CHN2: variants seen among roughly 807,000 people sequenced by gnomAD.
CHN2 encodes the protein beta-chimaerin.
In CHN2, 35 loss-of-function variants were observed where a neutral mutation model predicts 56.3. The ratio of observed to expected loss-of-function variants is 0.62; its 90% CI spans 0.47 to 0.82. The LOEUF (loss-of-function observed/expected upper bound fraction) is 0.82. CHN2 is among the 40% of genes least tolerant of loss of function. The probability of loss-of-function intolerance (pLI) is 0.00; values close to 1 mark genes in which losing one functional copy is unlikely to be tolerated. For missense variants in CHN2, 491 were observed against 580.5 expected, an observed-to-expected ratio of 0.85 and a Z score of 1.58; for synonymous variants, 210 against 212.8, an observed-to-expected ratio of 0.99 and a Z score of 0.12.
chr7:29,193,465 C>G (rs1202020056), upstream of CHN2: 5 of 152,160 alleles, frequency 3.3e-5, no homozygotes, highest in Non-Finnish European at 7.3e-5. Flanking sequence ...CCAATGTGAA[C>G]ACTTTCCATT....
intron 2 of CHN2, among the ~76,000 whole-genome samples, chr7:29,165,444 T>C (rs1795786821): frequency 6.6e-6 from 1 of 152,218 alleles, no homozygotes; most frequent in Non-Finnish European, 1.5e-5. Context: ...CTTAGATTTT[T>C]TTTAAATCAC....
chr7:29,349,256 T>C (rs1034400513), intron 1 of CHN2, among the ~76,000 whole-genome samples: 25 of 152,312 alleles, frequency 1.6e-4, no homozygotes, highest in African/African-American at 6.0e-4. Flanking sequence ...TACACATGGC[T>C]TTCATGAAGT....
chr7:29,418,426 T>C lies in CHN2; in HGVS notation c.576+17598T>C, dbSNP rs150525697. Among the ~76,000 whole-genome samples the C allele has an allele frequency of 1.4e-4, 21 of 152,362 alleles. No individual in the cohort carries two copies. The East Asian group carries it at 3.9e-3, about 28-fold the overall frequency. The stretch of plus-strand genomic sequence containing the variant: ...TGAGATCCAGAAATTACTATTTGAC[T>C]GGGGAGTGGTAGGTGCCTTTATTGG... On this transcript the variant is annotated intron_variant, in intron 6 of 12. Coordinates refer to ENST00000222792, the MANE Select transcript of CHN2 (RefSeq NM_004067.4).
At chr7:29,300,932 A>G (rs189653319) in intron 1 of CHN2, among the ~76,000 whole-genome samples, 1 of 152,364 alleles carries the variant, frequency 6.6e-6, no homozygotes, top group East Asian at 1.9e-4. Context: ...AAATGTGTTT[A>G]TTCTTATATG....
intron 1 of CHN2, chr7:29,199,755 A>G (rs1419165778): frequency 2.0e-5 from 3 of 152,204 alleles, no homozygotes; most frequent in African/African-American, 7.2e-5. Context: ...TTAGCATGCT[A>G]CATATTTGCA....
chr7:29,434,296 A>G (rs1014292192), intron 6 of CHN2, among the ~76,000 whole-genome samples: 1 of 152,164 alleles, frequency 6.6e-6, no homozygotes, highest in Non-Finnish European at 1.5e-5. Flanking sequence ...GTTCTCTGCC[A>G]TGAGAAATGT....
At chr7:29,244,151 G>T (rs1344265779) in intron 1 of CHN2, among the ~76,000 whole-genome samples, 18 of 152,124 alleles carry the variant, frequency 1.2e-4, no homozygotes, top group Non-Finnish European at 2.4e-4. Context: ...ATTATCTTAA[G>T]TGATGTGTTT....
intron 1 of CHN2, among the ~76,000 whole-genome samples, chr7:29,276,747 T>C (rs1791251495): frequency 6.6e-6 from 1 of 152,210 alleles, no homozygotes; most frequent in African/African-American, 2.4e-5. Flanking sequence ...GCGCTGGCCC[T>C]AAAATTGTGG....
chr7:29,254,202 C>T (rs998436065), intron 1 of CHN2, among the ~76,000 whole-genome samples: 4 of 152,154 alleles, frequency 2.6e-5, no homozygotes, highest in East Asian at 1.9e-4. Context: ...CACACCCAGC[C>T]GCTATTCTTT....
intron 9 of CHN2, among the ~76,000 whole-genome samples, chr7:29,500,554 A>G (rs1448694825): frequency 6.6e-6 from 1 of 152,176 alleles, no homozygotes; most frequent in Non-Finnish European, 1.5e-5. Flanking sequence ...TTCATACTTT[A>G]GAGTGGGCAA....
At chr7:29,192,475 G>A (rs1783014753), upstream of CHN2, 1 of 152,180 alleles carries the variant, frequency 6.6e-6, no homozygotes, top group South Asian at 2.1e-4. Flanking sequence ...TGCACAATTT[G>A]GGACAAGAAA....
intron 2 of CHN2, among the ~76,000 whole-genome samples, chr7:29,172,009 A>C (rs894214719): frequency 6.6e-6 from 1 of 152,208 alleles, no homozygotes; most frequent in African/African-American, 2.4e-5. Context: ...GGTGGTACAC[A>C]GGAGAAAAAA....
Position 29,509,318 on chromosome 7 carries a change from G to T in CHN2, c.1147G>T (p.Glu383Ter). 1.2e-6 allele frequency: 2 copies of T among 1,613,876 alleles called. No individual in the cohort carries two copies. Among genetic ancestry groups the T allele is most frequent in the South Asian group, 2.2e-5 (2 of 91,042 alleles). ...CTTCACAGAAATCTCCAATGCAGAT[G>T]AGAGGCTGGAAGCCGTCCATGAAGT... is the stretch of plus-strand genomic sequence containing the variant. ...IDAAKISNAD[E>*]RLEAVHEVLM... Residue 383 changes from glutamate to a stop codon, truncating the protein, a stop_gained, in exon 12 of 13, where the codon GAG becomes TAG. Transcript: ENST00000222792. LOFTEE classifies it high-confidence loss of function.
chr7:29,225,872 T>G (rs1046126424), intron 1 of CHN2, among the ~76,000 whole-genome samples: 1 of 152,178 alleles, frequency 6.6e-6, no homozygotes, highest in East Asian at 1.9e-4. Context: ...TTCTGAGACA[T>G]GTCCTACAAG....
intron 6 of CHN2, among the ~76,000 whole-genome samples, chr7:29,446,918 C>G (rs1784071235): frequency 6.6e-6 from 1 of 152,184 alleles, no homozygotes; most frequent in African/African-American, 2.4e-5. Context: ...GTGGGCCACA[C>G]TTAGCCCTAT....
chr7:29,418,654 A>G (rs980825121), intron 6 of CHN2, among the ~76,000 whole-genome samples: 1 of 152,144 alleles, frequency 6.6e-6, no homozygotes, highest in East Asian at 1.9e-4. Context: ...CCTAGCTGCT[A>G]CTTCCCTCAG....
At chr7:29,322,364 G>T (rs1795421724) in intron 1 of CHN2, among the ~76,000 whole-genome samples, 1 of 152,196 alleles carries the variant, frequency 6.6e-6, no homozygotes, top group Non-Finnish European at 1.5e-5. Flanking sequence ...GATTGGTAAA[G>T]AACCAGGTTA....
At chr7:29,412,686 G>C (rs531016160) in intron 6 of CHN2, among the ~76,000 whole-genome samples, 1 of 152,048 alleles carries the variant, frequency 6.6e-6, no homozygotes, top group Non-Finnish European at 1.5e-5. Context: ...TGATATTTCC[G>C]GGAAACTTTT....
At chr7:29,440,256 T>C (rs954247813) in intron 6 of CHN2, among the ~76,000 whole-genome samples, 7 of 152,136 alleles carry the variant, frequency 4.6e-5, no homozygotes, top group African/African-American at 1.7e-4. Context: ...CTCACAAACA[T>C]AGCATTTATA....
Sources: allele counts gnomAD v4.1 joint callset (sites outside exome capture counted in the v4.1 genomes callset), GRCh38; gene constraint gnomAD v4.1.1; transcripts MANE v1.5; gene names NCBI Gene and HGNC (gene_info 2026-07-23, HGNC 2026-07-21).